The following VPS13D variants were observed in gnomAD, a reference collection of about 807,000 sequenced individuals.
VPS13D encodes the protein vacuolar protein sorting 13 homolog D, also known as intermembrane lipid transfer protein VPS13D.
Under a neutral mutation model 461.9 loss-of-function variants are expected in VPS13D, and 187 were observed. That is an observed-to-expected ratio of 0.40 (90% CI 0.36 to 0.46). The LOEUF (loss-of-function observed/expected upper bound fraction) is 0.46, where lower values mean the gene tolerates loss of function less well. Among genes scored for constraint, VPS13D ranks in the 20% least tolerant of loss-of-function variants. VPS13D has a pLI of 0.60. For missense variants in VPS13D, 4,711 were observed against 5,364.9 expected (o/e 0.88, Z 3.81); for synonymous variants, 1,951 against 1,986.3 (o/e 0.98, Z 0.47).
chr1:12,289,543 AGC>A (rs2101414755), intron 22 of VPS13D, among the ~76,000 whole-genome samples: 1 of 151,282 alleles, frequency 6.6e-6, no homozygotes, highest in Non-Finnish European at 1.5e-5. Context: ...ATTTTAGAAA[AGC>A]TTCTTAGAGG....
chr1:12,441,257 A>C (rs1285954143), intron 65 of VPS13D, among the ~76,000 whole-genome samples: 2 of 152,186 alleles, frequency 1.3e-5, no homozygotes, highest in South Asian at 2.1e-4. Flanking sequence ...AAGTAAATAG[A>C]ATCTGTCATT....
At position 12,349,155 on chromosome 1, in the gene VPS13D, C is replaced by T. The variant is rs761401450; in HGVS notation, c.9221-9C>T. On this transcript the variant is annotated splice_polypyrimidine_tract_variant and intron_variant, in intron 45 of 69. Coordinates refer to ENST00000620676, the MANE Select transcript of VPS13D (RefSeq NM_015378.4). The stretch of plus-strand genomic sequence containing the variant: ...TGCCTGAAAGTGTTAACCCTTATTT[C>T]TGTGGCAGAGCCAGTGGTGCTTCCT... 3.7e-6 allele frequency: 6 copies of T among 1,613,238 alleles called. No homozygotes were observed. The highest frequency in any genetic ancestry group is 4.2e-6 in the Non-Finnish European group (5 of 1,180,036).
At chr1:12,361,687 GC>G (rs1643953163) in intron 50 of VPS13D, among the ~76,000 whole-genome samples, 1 of 151,370 alleles carries the variant, frequency 6.6e-6, no homozygotes, top group South Asian at 2.1e-4. Flanking sequence ...GAGCCACCAC[GC>G]CCGGCCTGAA....
intron 55 of VPS13D, among the ~76,000 whole-genome samples, chr1:12,374,595 T>C (rs898651524): frequency 6.6e-6 from 1 of 152,208 alleles, no homozygotes; most frequent in Non-Finnish European, 1.5e-5. Context: ...TTTTGTGGCG[T>C]GGTACGTTGA....
Position 12,336,055 on chromosome 1 carries a change from TGCA to T in VPS13D, c.8551+229_8551+231del, listed in dbSNP as rs1643443453. On this transcript the variant is annotated intron_variant, in intron 39 of 69. Coordinates refer to ENST00000620676, the MANE Select transcript of VPS13D (RefSeq NM_015378.4). Reference sequence around the variant, plus strand: ...CCACCTTTGCGGGGGAGAAAAGATCTGCAACACGTAATTCCTAAATCCTGGTAA... The same window carrying T: ...CCACCTTTGCGGGGGAGAAAAGATCTACACGTAATTCCTAAATCCTGGTAA... 25 of 496,938 alleles carry T rather than the reference TGCA, an allele frequency of 5.0e-5. 1 individual carries two copies. The highest frequency in any genetic ancestry group is 1.2e-3 in the Middle Eastern group (2 of 1,708). 30.8% of individuals were successfully genotyped at this position (496,938 alleles called of 1,614,324 possible).
chr1:12,248,124 G>T (rs1396031904), intron 5 of VPS13D, among the ~76,000 whole-genome samples: 1 of 151,818 alleles, frequency 6.6e-6, no homozygotes, highest in African/African-American at 2.4e-5. Context: ...CCTGACCTCA[G>T]GTGATCCGAC....
intron 39 of VPS13D, chr1:12,336,625 G>C (rs1278652527): frequency 1.3e-5 from 2 of 152,216 alleles, no homozygotes; most frequent in African/African-American, 4.8e-5. Context: ...TGTTCTTAGT[G>C]TGTGAAGTAA....
chr1:12,381,999 T>A (rs1440353544), intron 57 of VPS13D, among the ~76,000 whole-genome samples: 1 of 148,848 alleles, frequency 6.7e-6, no homozygotes, highest in Non-Finnish European at 1.5e-5. Flanking sequence ...TCTCTCTCCT[T>A]CCTTCCTTTC....
rs889528035 is a variant in VPS13D, at chr1:12,473,823, T to C, written c.12662+13427T>C. On this transcript the variant is annotated intron_variant, in intron 67 of 69. Transcript: ENST00000620676. The surrounding 1 kb of genome is among the most constrained non-coding windows in gnomAD (Gnocchi z 4.2). ...CTGGGCTTTTGTCCTTCCCATTCTC[T>C]TTCTTCACACAAAATGAACAGTTGA... 2.0e-5 allele frequency among the ~76,000 whole-genome samples: 3 copies of C among 152,280 alleles called. No homozygotes were observed. Among genetic ancestry groups the C allele is most frequent in the Non-Finnish European group, 4.4e-5 (3 of 68,028 alleles).
intron 65 of VPS13D, among the ~76,000 whole-genome samples, chr1:12,438,351 G>A (rs904933713): frequency 7.9e-5 from 12 of 152,062 alleles, no homozygotes; most frequent in Admixed American, 5.9e-4. Flanking sequence ...TAGGAAGCAG[G>A]CCCTCATCAG....
At chr1:12,346,690 G>T (rs371203146) in intron 44 of VPS13D, 38 bp downstream of exon 44, 3 of 1,555,306 alleles carry the variant, frequency 1.9e-6, no homozygotes, top group Non-Finnish European at 2.6e-6. Flanking sequence ...TGTTTATTGC[G>T]TATATACACT....
intron 67 of VPS13D, among the ~76,000 whole-genome samples, chr1:12,465,846 C>T (rs1645474875): frequency 6.6e-6 from 1 of 152,118 alleles, no homozygotes; most frequent in African/African-American, 2.4e-5. Flanking sequence ...AGCAAAAAGT[C>T]TGCAAAGAGG....
intron 63 of VPS13D, among the ~76,000 whole-genome samples, chr1:12,411,042 G>A (rs1036122668): frequency 6.6e-6 from 1 of 152,116 alleles, no homozygotes; most frequent in Admixed American, 6.5e-5. Flanking sequence ...TTTTTCTTGA[G>A]ATAAAGGAAA....
intron 67 of VPS13D, among the ~76,000 whole-genome samples, chr1:12,488,608 C>T (rs542295872): frequency 1.6e-4 from 23 of 144,528 alleles, no homozygotes; most frequent in African/African-American, 5.4e-4. Context: ...GGGCTGGACA[C>T]GGTGGCCCAC....
At chr1:12,440,572 G>A (rs1237455634) in intron 65 of VPS13D, among the ~76,000 whole-genome samples, 1 of 152,174 alleles carries the variant, frequency 6.6e-6, no homozygotes, top group Non-Finnish European at 1.5e-5. Flanking sequence ...GTCTATTTAT[G>A]CAATTTAAAG....
chr1:12,426,917 G>GGCA lies in VPS13D; in HGVS notation c.12333+10092_12333+10094dup, dbSNP rs536315666. 1.6e-3 allele frequency among the ~76,000 whole-genome samples: 249 copies of GGCA among 152,236 alleles called. 3 individuals are homozygous for GGCA. The highest frequency in any genetic ancestry group is 5.8e-3 in the African/African-American group (241 of 41,534). On this transcript the variant is annotated intron_variant, in intron 65 of 69. Transcript: ENST00000620676. ...TAATCCCAGCTACTCGGGAGGCTGA[G>GGCA]GCAGGAGAATTGCTTGAACCTGGGA...
intron 63 of VPS13D, among the ~76,000 whole-genome samples, chr1:12,410,323 A>T (rs1644707596): frequency 6.6e-6 from 1 of 152,222 alleles, no homozygotes; most frequent in South Asian, 2.1e-4. Context: ...CTAAAGGACT[A>T]CACCAGGCCT....
At chr1:12,342,797 G>A in intron 41 of VPS13D, 102 bp from the exon 42 acceptor site, 2 of 1,353,462 alleles carry the variant, frequency 1.5e-6, no homozygotes, top group South Asian at 1.8e-5. Flanking sequence ...TTTATTGCTG[G>A]GAATTGAGTT....
At chr1:12,267,161 C>A (rs2101316582) in intron 14 of VPS13D, 150 bp downstream of exon 14, 1 of 835,436 alleles carries the variant, frequency 1.2e-6, no homozygotes, top group South Asian at 3.3e-5. Flanking sequence ...TGTTAAAGAG[C>A]AAATGTTGGT....
Sources: gnomAD v4.1 joint callset for allele counts (sites outside exome capture counted in the v4.1 genomes callset) on GRCh38, gnomAD v4.1.1 for gene constraint, Gnocchi (gnomAD v3.1) non-coding constraint, MANE v1.5 for transcripts, NCBI Gene and HGNC (gene_info 2026-07-23, HGNC 2026-07-21) for gene names.